Variants in ZNF468 observed in about 807,000 individuals in gnomAD.
ZNF468 encodes the protein zinc finger protein ZNF468.
A neutral mutation model predicts 7.2 loss-of-function variants in ZNF468; 8 were observed. The ratio of observed to expected loss-of-function variants is 1.11; its 90% CI spans 0.65 to 2.01. The LOEUF (loss-of-function observed/expected upper bound fraction) is 2.01, where lower values mean the gene tolerates loss of function less well. ZNF468 is among the 30% of genes most tolerant of loss of function. The pLI, the probability that ZNF468 is intolerant of heterozygous loss-of-function variation, is 0.00. For synonymous variants in ZNF468, 218 were observed against 214.4 expected, an observed-to-expected ratio of 1.02 and a Z score of -0.15; for missense variants, 608 against 626.5, an observed-to-expected ratio of 0.97 and a Z score of 0.31.
intron 3 of ZNF468, among the ~76,000 whole-genome samples, chr19:52,848,797 T>G (rs1404118006): frequency 6.6e-6 from 1 of 152,106 alleles, no homozygotes; most frequent in Non-Finnish European, 1.5e-5. Flanking sequence ...GTGATCCACA[T>G]GCCTTGGCCT....
In ZNF468 at chr19:52,839,818, G is replaced by A; in HGVS notation, c.*907C>T. ...TTCTCTCCAGCATGAGTTCACCAGT[G>A]AAATGCAAGGCATGAACGATGTCTG... On this transcript the variant is annotated 3_prime_UTR_variant, in exon 4 of 4. Transcript: ENST00000595646. 1 of 526,676 alleles carries A rather than the reference G, an allele frequency of 1.9e-6. No individual in the cohort carries two copies. Among genetic ancestry groups the A allele is most frequent in the Non-Finnish European group, 3.6e-6 (1 of 277,756 alleles). The allele number at this position is 526,676 out of a possible 1,614,324, so 32.6% of individuals were successfully genotyped here.
At chr19:52,854,084 A>G in intron 2 of ZNF468, 174 bp downstream of exon 2, 1 of 1,529,538 alleles carries the variant, frequency 6.5e-7, no homozygotes, top group Non-Finnish European at 8.8e-7. Context: ...CAAGTTCATG[A>G]CACTGGGTCA....
At chr19:52,848,601 A>T (rs1338013689) in intron 3 of ZNF468, among the ~76,000 whole-genome samples, 4 of 152,038 alleles carry the variant, frequency 2.6e-5, no homozygotes, top group Non-Finnish European at 5.9e-5. Flanking sequence ...CCCAGGCTGG[A>T]GTGCAGCAGT....
Position 52,840,805 on chromosome 19 carries a change from A to T in ZNF468, c.1489T>A (p.Cys497Ser). 6.2e-7 allele frequency: 1 copy of T among 1,608,908 alleles called. No homozygotes were observed. The highest frequency in any genetic ancestry group is 8.5e-7 in the Non-Finnish European group (1 of 1,177,746). ...RLHTGEKPYK[C>S]NECGKTFSQM... is the part of the protein sequence containing the mutation. ...CTGAAGGTCTTGCCACACTCATTAC[A>T]CTTGTAAGGTTTCTCTCCAGTATGA... The change falls in exon 4 of 4, where the codon TGT (cysteine) becomes AGT (serine). Residue 497 changes from cysteine (C) to serine (S), a missense_variant. Coordinates refer to ENST00000595646, the MANE Select transcript of ZNF468 (RefSeq NM_001008801.2).
Position 52,840,075 on chromosome 19 carries a change from C to G in ZNF468, c.*650G>C, listed in dbSNP as rs911085694. 2 of 999,568 alleles carry G rather than the reference C, an allele frequency of 2.0e-6. No individual in the cohort carries two copies. The highest frequency in any genetic ancestry group is 2.7e-5 in the Admixed American group (1 of 36,914). 61.9% of individuals were successfully genotyped at this position (999,568 alleles called of 1,614,324 possible). ...CAGTGTGAATTCTAGTATGGGGTGC[C>G]ACGTGTGAATCATTCCCGAAAGCCT... is the stretch of plus-strand genomic sequence containing the variant. On this transcript the variant is annotated 3_prime_UTR_variant, in exon 4 of 4. Transcript: ENST00000595646.
At chr19:52,843,930 G>A (rs1263748073) in intron 3 of ZNF468, among the ~76,000 whole-genome samples, 4 of 152,044 alleles carry the variant, frequency 2.6e-5, no homozygotes, top group Admixed American at 6.5e-5. Flanking sequence ...GACCAGCCTG[G>A]ACAACATGGC....
At chr19:52,853,853 C>T (rs2063411846) in intron 2 of ZNF468, 1 of 1,218,964 alleles carries the variant, frequency 8.2e-7, no homozygotes, top group East Asian at 3.4e-5. Flanking sequence ...CCTTATTGGT[C>T]TCCTTTTCTA....
chr19:52,856,494 T>G (rs1458687491), intron 1 of ZNF468, among the ~76,000 whole-genome samples: 1 of 122,230 alleles, frequency 8.2e-6, no homozygotes, highest in Non-Finnish European at 1.9e-5. Context: ...TCCTCTGCTC[T>G]CCCTGTTAAA....
Position 52,838,530 on chromosome 19 carries a change from A to G in ZNF468, c.*2195T>C, listed in dbSNP as rs1405378350. 6.6e-6 allele frequency: 1 copy of G among 152,148 alleles called. No homozygotes were observed. Among genetic ancestry groups the G allele is most frequent in the East Asian group, 1.9e-4 (1 of 5,186 alleles). 9.4% of individuals were successfully genotyped at this position (152,148 alleles called of 1,614,324 possible). A position where few individuals can be genotyped will look rare whatever the true frequency, so the allele number is the denominator to read the frequency against. On this transcript the variant is annotated 3_prime_UTR_variant, in exon 4 of 4. Coordinates refer to ENST00000595646, the MANE Select transcript of ZNF468 (RefSeq NM_001008801.2). ...TAGCAAAAGAAATCAAACTCATCCA[A>G]ATCAGAAAGAAAGAAGTCAAATTTT...
chr19:52,851,132 C>T (rs1436352989), intron 2 of ZNF468, among the ~76,000 whole-genome samples: 1 of 151,798 alleles, frequency 6.6e-6, no homozygotes, highest in African/African-American at 2.4e-5. Context: ...AAAAATTAGC[C>T]ACGGGTGATG....
intron 2 of ZNF468, among the ~76,000 whole-genome samples, chr19:52,852,392 A>G (rs1280794287): frequency 6.6e-6 from 1 of 151,790 alleles, no homozygotes; most frequent in East Asian, 1.9e-4. Context: ...TACAAAAATA[A>G]CAGCCAGGCA....
rs141157408 is a variant in ZNF468 at position 52,846,778 on chromosome 19, G to A, written c.142+2309C>T. ...GCACTTTGGGAATCCGAGGCAGGTG[G>A]ATCACTTGAGATGAGGAGTTTGAGA... is the stretch of plus-strand genomic sequence containing the variant. On this transcript the variant is annotated intron_variant, in intron 3 of 3. Coordinates refer to ENST00000595646, the MANE Select transcript of ZNF468 (RefSeq NM_001008801.2). Among the ~76,000 whole-genome samples the A allele has an allele frequency of 1.9e-3, 284 of 152,216 alleles. 4 individuals are homozygous for A. The highest frequency in any genetic ancestry group is 5.6e-3 in the African/African-American group (234 of 41,542).
chr19:52,843,044 T>G (rs1255761588), intron 3 of ZNF468, among the ~76,000 whole-genome samples: 1 of 145,624 alleles, frequency 6.9e-6, no homozygotes, highest in Non-Finnish European at 1.5e-5. Context: ...TCGCTTGAAC[T>G]CGGGAGGCAA....
chr19:52,845,031 G>A (rs1422501535), intron 3 of ZNF468: 1 of 152,194 alleles, frequency 6.6e-6, no homozygotes, highest in Non-Finnish European at 1.5e-5. Context: ...GGCAAAGTGT[G>A]GTGGCTCATG....
chr19:52,856,839 C>A (rs2063444459), intron 1 of ZNF468, among the ~76,000 whole-genome samples: 1 of 152,010 alleles, frequency 6.6e-6, no homozygotes, highest in Non-Finnish European at 1.5e-5. Flanking sequence ...TGTTATGGGT[C>A]TTTCTCATTC....
intron 1 of ZNF468, among the ~76,000 whole-genome samples, chr19:52,854,732 T>A (rs189072707): frequency 1.1e-3 from 170 of 152,056 alleles, no homozygotes; most frequent in African/African-American, 3.7e-3. Context: ...CTACTAAAAA[T>A]ACAAAAATTG....
At chr19:52,855,016 T>C (rs1350828594) in intron 1 of ZNF468, among the ~76,000 whole-genome samples, 6 of 151,298 alleles carry the variant, frequency 4.0e-5, no homozygotes, top group Non-Finnish European at 8.9e-5. Context: ...TAAAATAAAA[T>C]ACAAATACAA....
At chr19:52,847,472 G>A (rs1190935561) in intron 3 of ZNF468, among the ~76,000 whole-genome samples, 1 of 148,938 alleles carries the variant, frequency 6.7e-6, no homozygotes, top group African/African-American at 2.5e-5. Flanking sequence ...CACCTGTAAA[G>A]AGCCTGTGCT....
Position 52,840,012 on chromosome 19 carries a change from G to C in ZNF468, c.*713C>G, listed in dbSNP as rs1421546807. The C allele has an allele frequency of 7.6e-7, 1 of 1,315,682 alleles. No individual in the cohort carries two copies. Among genetic ancestry groups the C allele is most frequent in the Admixed American group, 2.3e-5 (1 of 43,598 alleles). The allele number at this position is 1,315,682 out of a possible 1,614,324, so 81.5% of individuals were successfully genotyped here. ...GAATAAGTGGTGACTGCCCACTAAA[G>C]GGTTTGCCACACTCATTGCACTTGT... On this transcript the variant is annotated 3_prime_UTR_variant, in exon 4 of 4. Coordinates refer to ENST00000595646, the MANE Select transcript of ZNF468 (RefSeq NM_001008801.2).
Sources: allele counts gnomAD v4.1 joint callset (sites outside exome capture counted in the v4.1 genomes callset), GRCh38; gene constraint gnomAD v4.1.1; transcripts MANE v1.5; gene names NCBI Gene and HGNC (gene_info 2026-07-23, HGNC 2026-07-21).